Variants in MACROD2 observed in about 807,000 individuals in gnomAD.
MACROD2 encodes mono-ADP ribosylhydrolase 2, also known as ADP-ribose glycohydrolase MACROD2.
Under a neutral mutation model 70.4 loss-of-function variants are expected in MACROD2, and 36 were observed. That is an observed-to-expected ratio of 0.51 (90% CI 0.39 to 0.68). The LOEUF (loss-of-function observed/expected upper bound fraction) is 0.68, where lower values mean the gene tolerates loss of function less well. Ranked by LOEUF, MACROD2 falls within the 30% of genes least tolerant of loss-of-function variation. The probability of loss-of-function intolerance (pLI) is 0.00; values close to 1 mark genes in which losing one functional copy is unlikely to be tolerated. For missense variants in MACROD2, 496 were observed against 538.4 expected (o/e 0.92, Z 0.78); for synonymous variants, 172 against 178.8 (o/e 0.96, Z 0.30).
chr20:15,285,719 A>G (rs1197329529), intron 6 of MACROD2, among the ~76,000 whole-genome samples: 5 of 152,168 alleles, frequency 3.3e-5, no homozygotes. Flanking sequence ...AAATATCCTT[A>G]TTAATATCAA....
intron 3 of MACROD2, among the ~76,000 whole-genome samples, chr20:14,111,860 A>C (rs2054455472): frequency 6.6e-6 from 1 of 152,008 alleles, no homozygotes; most frequent in East Asian, 1.9e-4. Flanking sequence ...TTGGGTATAT[A>C]ACTGAAAGAA....
chr20:14,469,662 TTA>T (rs2084503503), intron 3 of MACROD2, among the ~76,000 whole-genome samples: 2 of 151,966 alleles, frequency 1.3e-5, no homozygotes, highest in Admixed American at 1.3e-4. Context: ...TCTTCATGCT[TTA>T]TTTCATTAAG....
At chr20:14,294,641 A>C (rs1042591139) in intron 3 of MACROD2, among the ~76,000 whole-genome samples, 1 of 151,864 alleles carries the variant, frequency 6.6e-6, no homozygotes, top group Non-Finnish European at 1.5e-5. Flanking sequence ...CATAACGTGT[A>C]TATCATAGAA....
intron 3 of MACROD2, among the ~76,000 whole-genome samples, chr20:14,251,671 AATT>A (rs1421709103): frequency 1.3e-5 from 2 of 152,094 alleles, no homozygotes; most frequent in Non-Finnish European, 2.9e-5. Context: ...AGCAGAAAAC[AATT>A]ATTTAAGCAA....
intron 4 of MACROD2, among the ~76,000 whole-genome samples, chr20:14,546,663 G>T (rs564073696): frequency 6.6e-6 from 1 of 152,058 alleles, no homozygotes; most frequent in East Asian, 1.9e-4. Context: ...TCCTTCTTTT[G>T]ATCCCAACTT....
intron 8 of MACROD2, among the ~76,000 whole-genome samples, chr20:15,848,528 C>A (rs1266900128): frequency 6.6e-6 from 1 of 152,130 alleles, no homozygotes; most frequent in Non-Finnish European, 1.5e-5. Context: ...GGGCATCATC[C>A]CAAGTTCCCG....
chr20:15,835,400 T>G (rs2064102879), intron 8 of MACROD2, among the ~76,000 whole-genome samples: 2 of 152,254 alleles, frequency 1.3e-5, no homozygotes, highest in Admixed American at 6.5e-5. Flanking sequence ...GCCTGATACT[T>G]AATATCAATA....
intron 17 of MACROD2, among the ~76,000 whole-genome samples, chr20:16,045,610 C>T (rs1412287322): frequency 6.6e-6 from 1 of 151,944 alleles, no homozygotes; most frequent in Non-Finnish European, 1.5e-5. Context: ...CGTCTTTGCC[C>T]TTGGTCAGGT....
chr20:15,646,629 C>A (rs1297194690), intron 8 of MACROD2, among the ~76,000 whole-genome samples: 1 of 152,156 alleles, frequency 6.6e-6, no homozygotes, highest in East Asian at 1.9e-4. Context: ...AGGGAGAGAC[C>A]AGGTGGAGGT....
chr20:14,151,986 T>C (rs564385134), intron 3 of MACROD2, among the ~76,000 whole-genome samples: 1 of 150,994 alleles, frequency 6.6e-6, no homozygotes, highest in Non-Finnish European at 1.5e-5. Context: ...CACGCCCGGC[T>C]AATATTTTGT....
chr20:15,499,903 T>G (rs2145015), intron 8 of MACROD2, 56 bp downstream of exon 8: 1 of 1,531,942 alleles, frequency 6.5e-7, no homozygotes, highest in Middle Eastern at 1.7e-4. Flanking sequence ...TGATGCTCAG[T>G]TCCCCCCAAA....
chr20:14,834,371 G>A (rs1467866024), intron 5 of MACROD2, among the ~76,000 whole-genome samples: 6 of 151,788 alleles, frequency 4.0e-5, no homozygotes, highest in Non-Finnish European at 8.8e-5. Flanking sequence ...ATAGCCTGTA[G>A]GGAGGGCTAA....
chr20:14,464,668 G>C (rs1162600148), intron 3 of MACROD2, among the ~76,000 whole-genome samples: 2 of 151,744 alleles, frequency 1.3e-5, no homozygotes, highest in East Asian at 3.9e-4. Flanking sequence ...TCTTGTGGGC[G>C]TTTAGTGCTA....
chr20:14,552,612 C>T (rs1307262694), intron 4 of MACROD2, among the ~76,000 whole-genome samples: 3 of 151,678 alleles, frequency 2.0e-5, no homozygotes, highest in African/African-American at 7.3e-5. Context: ...TAGAGTGAAC[C>T]GACAAAAGCC....
intron 5 of MACROD2, among the ~76,000 whole-genome samples, chr20:14,913,907 CCAA>C (rs1289791373): frequency 7.0e-6 from 1 of 142,460 alleles, no homozygotes. Flanking sequence ...TAACCAACAA[CCAA>C]GATTTGAATA....
At chr20:14,198,270 T>C (rs935587622) in intron 3 of MACROD2, among the ~76,000 whole-genome samples, 1 of 152,162 alleles carries the variant, frequency 6.6e-6, no homozygotes, top group Non-Finnish European at 1.5e-5. Flanking sequence ...GGTAATTTGA[T>C]ATCTAATAGT....
At chr20:15,259,018 A>G (rs188097010) in intron 6 of MACROD2, among the ~76,000 whole-genome samples, 43 of 152,166 alleles carry the variant, frequency 2.8e-4, no homozygotes, top group Admixed American at 2.0e-3. Flanking sequence ...ATAAAAGTCT[A>G]CAAATGTAGA....
intron 8 of MACROD2, among the ~76,000 whole-genome samples, chr20:15,806,551 TAC>T (rs2063771386): frequency 1.3e-5 from 2 of 152,198 alleles, no homozygotes; most frequent in African/African-American, 4.8e-5. Context: ...AGAGTGATCT[TAC>T]ACACTGATAA....
intron 8 of MACROD2, among the ~76,000 whole-genome samples, chr20:15,655,105 A>ATG (rs561197461): frequency 3.3e-5 from 5 of 151,398 alleles, no homozygotes; most frequent in Admixed American, 1.3e-4. Context: ...GAAAAATACA[A>ATG]TGTGTGTGTG....
Sources: allele counts gnomAD v4.1 joint callset (sites outside exome capture counted in the v4.1 genomes callset), GRCh38; gene constraint gnomAD v4.1.1; transcripts MANE v1.5; gene names NCBI Gene and HGNC (gene_info 2026-07-23, HGNC 2026-07-21).